The following ELL variants were observed in gnomAD, a reference collection of about 807,000 sequenced individuals.
The protein encoded by ELL is elongation factor for RNA polymerase II, also known as RNA polymerase II elongation factor ELL.
ELL carries 18 observed loss-of-function variants against 64.0 expected under a neutral mutation model. That is an observed-to-expected ratio of 0.28 (90% confidence interval 0.19 to 0.42). The LOEUF (loss-of-function observed/expected upper bound fraction) is 0.42. Among genes scored for constraint, ELL ranks in the 10% least tolerant of loss-of-function variants. ELL has a pLI of 1.00. For missense variants in ELL, 797 were observed against 870.4 expected, an observed-to-expected ratio of 0.92 and a Z score of 1.06; for synonymous variants, 399 against 376.2, an observed-to-expected ratio of 1.06 and a Z score of -0.70.
At chr19:18,456,322 G>A (rs1286981765) in intron 6 of ELL, among the ~76,000 whole-genome samples, 1 of 152,232 alleles carries the variant, frequency 6.6e-6, no homozygotes, top group Non-Finnish European at 1.5e-5. Context: ...ACCAGCACAG[G>A]GTTGGGGTGG....
intron 1 of ELL, among the ~76,000 whole-genome samples, chr19:18,485,334 T>G (rs1402942035): frequency 6.6e-6 from 1 of 152,154 alleles, no homozygotes; most frequent in Non-Finnish European, 1.5e-5. Context: ...ACCTCACTTT[T>G]GGGCCTTCCA....
In ELL at chr19:18,465,471, G is replaced by C; in HGVS notation, c.410C>G (p.Ala137Gly). Residue 137 changes from alanine (A) to glycine (G), a missense_variant, in exon 4 of 12, where the codon GCG becomes GGG. By Grantham distance (60) the Ala-to-Gly change is moderately conservative. Coordinates refer to ENST00000262809, the MANE Select transcript of ELL (RefSeq NM_006532.4). ...ACTTCGGCTCCGCGTCTCCTCCTCC[G>C]CCTGGGCCATGCTCTGCCGCGCCTT... The part of the protein sequence containing the change: ...YQKARQSMAQ[A>G]EEETRSRSAI... 1.2e-6 allele frequency: 2 copies of C among 1,612,558 alleles called. No individual in the cohort carries two copies. The highest frequency in any genetic ancestry group is 1.7e-6 in the Non-Finnish European group (2 of 1,179,066).
At chr19:18,446,890 A>G (rs1974429042) in intron 8 of ELL, 76 bp from the exon 9 acceptor site, 4 of 1,482,352 alleles carry the variant, frequency 2.7e-6, no homozygotes, top group Non-Finnish European at 3.8e-6. Context: ...GGATGGGGAC[A>G]TGCATGAAAA....
chr19:18,458,513 C>A (rs1568379516), intron 5 of ELL, among the ~76,000 whole-genome samples, 184 bp from the exon 6 acceptor site: 1 of 152,130 alleles, frequency 6.6e-6, no homozygotes, highest in Admixed American at 6.5e-5. Flanking sequence ...AGTTCCCCCG[C>A]ACACAATCCT....
chr19:18,512,336 G>T (rs967008638), intron 1 of ELL, among the ~76,000 whole-genome samples: 6 of 151,448 alleles, frequency 4.0e-5, no homozygotes, highest in Admixed American at 3.9e-4. Flanking sequence ...CAAAAATAAA[G>T]AAATAAAAAT....
At chr19:18,496,619 C>T (rs1046927886) in intron 1 of ELL, among the ~76,000 whole-genome samples, 31 of 152,074 alleles carry the variant, frequency 2.0e-4, no homozygotes, top group African/African-American at 7.5e-4. Context: ...TGGGGTTTGG[C>T]ACAAGTCCAG....
At chr19:18,485,051 C>T (rs1227937481) in intron 1 of ELL, among the ~76,000 whole-genome samples, 1 of 152,222 alleles carries the variant, frequency 6.6e-6, no homozygotes, top group Non-Finnish European at 1.5e-5. Context: ...TGAGAACGCT[C>T]TAGGGCCTGA....
intron 1 of ELL, among the ~76,000 whole-genome samples, chr19:18,474,568 C>T (rs991479431): frequency 2.6e-5 from 4 of 152,246 alleles, no homozygotes; most frequent in Admixed American, 6.5e-5. Flanking sequence ...GCACGATTCA[C>T]GGCGCAAGCC....
chr19:18,516,491 T>C (rs973280370), intron 1 of ELL, among the ~76,000 whole-genome samples: 1 of 152,194 alleles, frequency 6.6e-6, no homozygotes, highest in African/African-American at 2.4e-5. Context: ...TGTTCATGAA[T>C]TCTGTCTCCT....
At chr19:18,504,035 G>A (rs8101226) in intron 1 of ELL, among the ~76,000 whole-genome samples, 25 of 152,230 alleles carry the variant, frequency 1.6e-4, no homozygotes, top group African/African-American at 5.1e-4. Context: ...CTGACTCCTC[G>A]GCATCCAGGG....
At chr19:18,494,333 T>C (rs1295523748) in intron 1 of ELL, among the ~76,000 whole-genome samples, 1 of 151,888 alleles carries the variant, frequency 6.6e-6, no homozygotes, top group Non-Finnish European at 1.5e-5. Context: ...GTGCCAGCCA[T>C]GACAGCATCA....
intron 1 of ELL, among the ~76,000 whole-genome samples, chr19:18,503,576 G>A (rs1024951896): frequency 1.3e-5 from 2 of 152,330 alleles, no homozygotes; most frequent in Admixed American, 1.3e-4. Flanking sequence ...CAAGTGAGCT[G>A]ATGTGGCCCC....
intron 1 of ELL, among the ~76,000 whole-genome samples, chr19:18,520,175 T>C (rs1177224359): frequency 6.6e-6 from 1 of 152,126 alleles, no homozygotes; most frequent in Non-Finnish European, 1.5e-5. Flanking sequence ...GAGGGCAGCA[T>C]CAGAGAGAAG....
At chr19:18,517,706 A>C (rs187957) in intron 1 of ELL, among the ~76,000 whole-genome samples, 1 of 151,282 alleles carries the variant, frequency 6.6e-6, no homozygotes, top group Non-Finnish European at 1.5e-5. Flanking sequence ...ACAAAAAAAA[A>C]TTTTTTTTAA....
At chr19:18,509,802 C>G (rs1441973290) in intron 1 of ELL, among the ~76,000 whole-genome samples, 3 of 152,168 alleles carry the variant, frequency 2.0e-5, no homozygotes, top group Non-Finnish European at 4.4e-5. Flanking sequence ...AGGGCAGCAG[C>G]TGGACCCCCC....
rs11880725 is a variant in ELL, at chr19:18,520,910, C to T, written c.135+1011G>A. On this transcript the variant is annotated intron_variant, in intron 1 of 11. Transcript: ENST00000262809. The stretch of plus-strand genomic sequence containing the variant: ...TGGTCATCTGCAACTTCTGACCCAG[C>T]ACAGACGGGGGGAGGGGGGGCCATG... Among the ~76,000 whole-genome samples the T allele has an allele frequency of 4.2e-3, 641 of 152,096 alleles. 4 individuals carry two copies. The highest frequency in any genetic ancestry group is 0.015 in the African/African-American group (619 of 41,470).
At chr19:18,494,252 G>A (rs1050655741) in intron 1 of ELL, among the ~76,000 whole-genome samples, 4 of 151,966 alleles carry the variant, frequency 2.6e-5, no homozygotes, top group African/African-American at 9.7e-5. Context: ...AAGAGGGGAG[G>A]GGAAGGGGAG....
chr19:18,486,249 C>A (rs373595723), intron 1 of ELL, among the ~76,000 whole-genome samples: 26 of 152,156 alleles, frequency 1.7e-4, no homozygotes, highest in Non-Finnish European at 1.2e-4. Flanking sequence ...GCCCCAAGGG[C>A]GGTCAGTGTC....
chr19:18,520,984 C>A (rs113843392), intron 1 of ELL, among the ~76,000 whole-genome samples: 2 of 151,504 alleles, frequency 1.3e-5, no homozygotes, highest in Admixed American at 6.6e-5. Flanking sequence ...GCCCCAGATG[C>A]GCCCCAAAGT....
Sources: allele counts gnomAD v4.1 joint callset (sites outside exome capture counted in the v4.1 genomes callset), GRCh38; gene constraint gnomAD v4.1.1; transcripts MANE v1.5; gene names NCBI Gene and HGNC (gene_info 2026-07-23, HGNC 2026-07-21).